The following GOLGA4 variants were observed in gnomAD, a reference collection of about 807,000 sequenced individuals.
GOLGA4 encodes the protein golgin subfamily A member 4.
GOLGA4 carries 169 observed loss-of-function variants against 265.9 expected under a neutral mutation model. That is an observed-to-expected ratio of 0.64 (90% CI 0.56 to 0.72). The LOEUF (loss-of-function observed/expected upper bound fraction) is 0.72. GOLGA4 is among the 30% of genes least tolerant of loss of function. GOLGA4 has a pLI of 0.00. For synonymous variants in GOLGA4, 923 were observed against 855.8 expected, an observed-to-expected ratio of 1.08 and a Z score of -1.37; for missense variants, 2,482 against 2,483.4, an observed-to-expected ratio of 1.00 and a Z score of 0.01.
At position 37,324,787 on chromosome 3, in the gene GOLGA4, A is replaced by G. The variant is rs1177097269; in HGVS notation, c.2901A>G (p.Gln967=). The change falls in exon 14 of 24, where the codon CAA becomes CAG. Residue 967 remains glutamine, a synonymous_variant. Coordinates refer to ENST00000361924, the MANE Select transcript of GOLGA4 (RefSeq NM_002078.5). ...TTAAGCAGAAAGCAAAGGAGATGCA[A>G]GAAACGTTAAAGAAAAAATTACTGG... ...EKVKQKAKEM[Q]ETLKKKLLDQ... 2.5e-6 allele frequency: 4 copies of G among 1,586,044 alleles called. No homozygotes were observed. In the African/African-American group the frequency reaches 4.1e-5, roughly 16 times the overall value.
chr3:37,345,871 T>C (rs1247705147), intron 20 of GOLGA4, among the ~76,000 whole-genome samples: 4 of 150,752 alleles, frequency 2.7e-5, no homozygotes, highest in Non-Finnish European at 5.9e-5. Context: ...CACTTGAACC[T>C]GGGAGGCGGG....
At chr3:37,337,360 G>A (rs181827905) in intron 18 of GOLGA4, among the ~76,000 whole-genome samples, 197 bp downstream of exon 18, 4 of 151,584 alleles carry the variant, frequency 2.6e-5, no homozygotes, top group East Asian at 3.9e-4. Flanking sequence ...CACCACGCCC[G>A]GCCAATTTTT....
At chr3:37,294,080 A>C (rs2096871924) in intron 5 of GOLGA4, among the ~76,000 whole-genome samples, 1 of 152,250 alleles carries the variant, frequency 6.6e-6, no homozygotes, top group African/African-American at 2.4e-5. Flanking sequence ...ATATGTGACT[A>C]TACCTAAAAT....
intron 20 of GOLGA4, among the ~76,000 whole-genome samples, chr3:37,346,146 A>G (rs1293144001): frequency 6.6e-6 from 1 of 152,134 alleles, no homozygotes. Flanking sequence ...AATTTGAGTG[A>G]GTTGAGTCTT....
At chr3:37,314,307 C>G (rs567471588) in intron 10 of GOLGA4, among the ~76,000 whole-genome samples, 1 of 152,114 alleles carries the variant, frequency 6.6e-6, no homozygotes, top group South Asian at 2.1e-4. Flanking sequence ...TTGCACCCGT[C>G]CTATCTGATT....
chr3:37,334,108 A>G (rs1229487782), intron 16 of GOLGA4, among the ~76,000 whole-genome samples: 1 of 152,232 alleles, frequency 6.6e-6, no homozygotes, highest in Non-Finnish European at 1.5e-5. Context: ...CAGGGTTTAT[A>G]AGAATAAAGA....
chr3:37,289,574 G>T (rs1198602755), intron 5 of GOLGA4, among the ~76,000 whole-genome samples: 1 of 152,172 alleles, frequency 6.6e-6, no homozygotes, highest in Non-Finnish European at 1.5e-5. Context: ...CTTCTGTTAT[G>T]TATTTCAGGC....
intron 22 of GOLGA4, among the ~76,000 whole-genome samples, chr3:37,358,227 A>G (rs939933977): frequency 2.0e-5 from 3 of 152,202 alleles, no homozygotes; most frequent in African/African-American, 7.2e-5. Context: ...TTTGACCATG[A>G]TGATTATACA....
chr3:37,315,789 G>A (rs1267485915), intron 11 of GOLGA4, among the ~76,000 whole-genome samples, 191 bp downstream of exon 11: 1 of 152,138 alleles, frequency 6.6e-6, no homozygotes, highest in East Asian at 1.9e-4. Flanking sequence ...AACCTTTTAA[G>A]CTTTGCTTTC....
Position 37,326,448 on chromosome 3 carries a change from A to G in GOLGA4, c.4562A>G (p.Lys1521Arg). 6.2e-7 allele frequency: 1 copy of G among 1,611,294 alleles called. No individual in the cohort carries two copies. Among genetic ancestry groups the G allele is most frequent in the Non-Finnish European group, 8.5e-7 (1 of 1,178,424 alleles). Residue 1521 changes from lysine (K) to arginine (R), a missense_variant, in exon 14 of 24, where the codon AAG becomes AGG. This residue lies in a region of GOLGA4 where 942 missense variants were observed against 983.1 expected (regional missense o/e 0.96). Transcript: ENST00000361924. ...KKESNLETEL[K>R]SQTARIMELE... ...GAGTCTAATTTAGAAACAGAGTTAA[A>G]GTCTCAAACAGCAAGAATTATGGAA... is the stretch of plus-strand genomic sequence containing the variant.
intron 7 of GOLGA4, 104 bp from the exon 8 acceptor site, chr3:37,298,729 G>A: frequency 1.3e-6 from 1 of 749,118 alleles, no homozygotes; most frequent in Non-Finnish European, 2.2e-6. Context: ...GAACCAAGAT[G>A]GAGTCGGTTA....
intron 6 of GOLGA4, among the ~76,000 whole-genome samples, chr3:37,295,610 G>A (rs2096876110): frequency 1.3e-5 from 2 of 152,066 alleles, no homozygotes; most frequent in Non-Finnish European, 2.9e-5. Context: ...AGCTGTATTG[G>A]GAGTAAACTT....
rs116813806 is a variant in GOLGA4, at chr3:37,366,725, T to A, written c.*679T>A. ...GGCAGTGTCATCTCTGAGAAACAGA[T>A]AAATAAAGTTTATTTACTATATAAC... On this transcript the variant is annotated 3_prime_UTR_variant, in exon 24 of 24. Transcript: ENST00000361924. 6.6e-6 allele frequency: 1 copy of A among 152,558 alleles called. No homozygotes were observed. Among genetic ancestry groups the A allele is most frequent in the Admixed American group, 6.6e-5 (1 of 15,252 alleles). 9.5% of individuals were successfully genotyped at this position (152,558 alleles called of 1,614,324 possible). A position where few individuals can be genotyped will look rare whatever the true frequency, so the allele number is the denominator to read the frequency against.
rs1250547045 is a variant in GOLGA4 at position 37,325,411 on chromosome 3, T to C, written c.3525T>C (p.Thr1175=). 6.2e-7 allele frequency: 1 copy of C among 1,611,072 alleles called. No individual in the cohort carries two copies. Among genetic ancestry groups the C allele is most frequent in the Non-Finnish European group, 8.5e-7 (1 of 1,179,078 alleles). Residue 1175 remains threonine (T), a synonymous_variant, in exon 14 of 24, where the codon ACT becomes ACC. Transcript: ENST00000361924. ...EEDKRKVSEL[T]SKLKTTDEEF... ...ATAAGCGGAAGGTTTCTGAGTTGAC[T>C]AGCAAGTTGAAAACCACAGATGAAG...
Position 37,364,483 on chromosome 3 carries a change from C to T in GOLGA4, c.*34-1597C>T, listed in dbSNP as rs1696590899. Among the ~76,000 whole-genome samples, 5 of 152,146 alleles carry T rather than the reference C, an allele frequency of 3.3e-5. No individual in the cohort carries two copies. In the South Asian group the frequency reaches 1.0e-3, roughly 32 times the overall value. Reference sequence around the variant, plus strand: ...TCTCGAACTCCTGACCTCAGGTGATCCACCTGCCTTGGCCTCCCATAGTGC... The same window carrying T: ...TCTCGAACTCCTGACCTCAGGTGATTCACCTGCCTTGGCCTCCCATAGTGC... On this transcript the variant is annotated intron_variant, in intron 23 of 23. Coordinates refer to ENST00000361924, the MANE Select transcript of GOLGA4 (RefSeq NM_002078.5).
In GOLGA4 at chr3:37,325,583, A is replaced by G; in HGVS notation, c.3697A>G (p.Asn1233Asp). The G allele has an allele frequency of 3.7e-6, 6 of 1,612,818 alleles. No homozygotes were observed. Among genetic ancestry groups the G allele is most frequent in the Non-Finnish European group, 5.1e-6 (6 of 1,178,942 alleles). ...CGAAGCCTTATTAGAAGCTAAAACAAATGAGCTAATCAACATTAGTAGTAG... is the reference window on the plus strand; with the variant it reads ...CGAAGCCTTATTAGAAGCTAAAACAGATGAGCTAATCAACATTAGTAGTAG... ...KTEALLEAKT[N>D]ELINISSSKT... The change falls in exon 14 of 24, where the codon AAT becomes GAT. Residue 1233 changes from asparagine (N) to aspartate (D), a missense_variant. Around this residue, in one of 3 missense-constraint regions of GOLGA4, gnomAD observed 1,536 missense variants for 1,483.7 expected, o/e 1.04. Transcript: ENST00000361924.
intron 1 of GOLGA4, among the ~76,000 whole-genome samples, chr3:37,249,350 A>G (rs540554360): frequency 1.3e-5 from 2 of 152,080 alleles, no homozygotes; most frequent in African/African-American, 2.4e-5. Flanking sequence ...TTAGTCACAT[A>G]TTTTCTAGAC....
At chr3:37,285,130 G>A (rs1402060117) in intron 3 of GOLGA4, among the ~76,000 whole-genome samples, 1 of 147,966 alleles carries the variant, frequency 6.8e-6, no homozygotes, top group Non-Finnish European at 1.5e-5. Context: ...CTGGAGCCAT[G>A]TACTTAGCCT....
rs2096836167 is a variant in GOLGA4 at position 37,282,053 on chromosome 3, GTCT to G, written c.265_267del (p.Ser89del). 1.9e-6 allele frequency: 3 copies of G among 1,613,886 alleles called. No individual in the cohort carries two copies. The highest frequency in any genetic ancestry group is 1.7e-5 in the Admixed American group (1 of 59,992). ...GTCCGATAAAGGAATCTCTATTCCGGTCTTCTTCTAAAGAGTCTTTGGTACGAA... is the reference window on the plus strand; with the variant it reads ...GTCCGATAAAGGAATCTCTATTCCGGTCTTCTAAAGAGTCTTTGGTACGAA... On this transcript the variant is annotated inframe_deletion, in exon 3 of 24. Transcript: ENST00000361924.
Sources: gnomAD v4.1 joint callset for allele counts (sites outside exome capture counted in the v4.1 genomes callset) on GRCh38, gnomAD v4.1.1 for gene constraint, gnomAD v4.1.1 regional missense constraint, MANE v1.5 for transcripts, NCBI Gene and HGNC (gene_info 2026-07-23, HGNC 2026-07-21) for gene names.